Variants in NALF1 observed in about 807,000 individuals in gnomAD.
NALF1 encodes family with sequence similarity 155 member A.
NALF1 carries 3 observed loss-of-function variants against 48.4 expected under a neutral mutation model. That is an observed-to-expected ratio of 0.06 (90% CI 0.03 to 0.16). The LOEUF (loss-of-function observed/expected upper bound fraction) is 0.16, where lower values mean the gene tolerates loss of function less well. Among genes scored for constraint, NALF1 ranks in the 10% least tolerant of loss-of-function variants. NALF1 has a pLI of 1.00. For missense variants in NALF1, 526 were observed against 571.5 expected (o/e 0.92, Z 0.81); for synonymous variants, 262 against 245.7 (o/e 1.07, Z -0.62).
chr13:107,449,111 G>T (rs142634352), intron 1 of NALF1, among the ~76,000 whole-genome samples: 2,089 of 152,346 alleles, frequency 0.014, 27 homozygotes, highest in Admixed American at 0.021. Context: ...GGGCGTGATG[G>T]TGGGCACCTA....
intron 1 of NALF1, among the ~76,000 whole-genome samples, chr13:107,387,972 A>G (rs1179829559): frequency 6.6e-6 from 1 of 152,088 alleles, no homozygotes; most frequent in African/African-American, 2.4e-5. Flanking sequence ...TTGCCTGTCT[A>G]TTGTACACCC....
chr13:107,325,885 T>TAC (rs1468507070), intron 1 of NALF1, among the ~76,000 whole-genome samples: 199 of 69,744 alleles, frequency 2.9e-3, no homozygotes, highest in Non-Finnish European at 5.2e-3. Context: ...TATATATATA[T>TAC]ATACACACAC....
chr13:107,652,681 C>G (rs567883052), intron 1 of NALF1, among the ~76,000 whole-genome samples: 1 of 152,212 alleles, frequency 6.6e-6, no homozygotes, highest in South Asian at 2.1e-4. Context: ...TCAGAACTCC[C>G]AAATTTCATC....
At chr13:107,181,022 T>C (rs1879049242) in intron 2 of NALF1, among the ~76,000 whole-genome samples, 1 of 151,690 alleles carries the variant, frequency 6.6e-6, no homozygotes, top group Non-Finnish European at 1.5e-5. Flanking sequence ...GTGTATAATA[T>C]TGTCTCATTT....
At chr13:107,312,123 G>A (rs566304206) in intron 1 of NALF1, among the ~76,000 whole-genome samples, 2 of 150,440 alleles carry the variant, frequency 1.3e-5, no homozygotes, top group African/African-American at 4.9e-5. Context: ...ACATGCACAC[G>A]TATGTTTATT....
At chr13:107,353,309 A>G (rs1413963845) in intron 1 of NALF1, among the ~76,000 whole-genome samples, 1 of 152,104 alleles carries the variant, frequency 6.6e-6, no homozygotes, top group Non-Finnish European at 1.5e-5. Context: ...ACCTTCAGAG[A>G]GCAAAGGGGA....
intron 1 of NALF1, among the ~76,000 whole-genome samples, chr13:107,469,733 C>CTTTTTTTTTTTTTTTTTTTT (rs61241553): frequency 2.5e-5 from 2 of 79,956 alleles, no homozygotes; most frequent in African/African-American, 1.1e-4. Flanking sequence ...AACTGTGTAT[C>CTTTTTTTTTTTTTTTTTTTT]TTTTTTTTTT....
chr13:107,246,444 G>C (rs1407424403), intron 1 of NALF1, among the ~76,000 whole-genome samples: 2 of 152,176 alleles, frequency 1.3e-5, no homozygotes, highest in Non-Finnish European at 2.9e-5. Flanking sequence ...GTTAAGGAAC[G>C]TAGAGTAATT....
At chr13:107,578,952 C>T (rs1312038930) in intron 1 of NALF1, among the ~76,000 whole-genome samples, 1 of 152,182 alleles carries the variant, frequency 6.6e-6, no homozygotes, top group Non-Finnish European at 1.5e-5. Flanking sequence ...AAGCCATCAG[C>T]AAGTCCATTT....
At chr13:107,818,950 G>A (rs1879272388) in intron 1 of NALF1, among the ~76,000 whole-genome samples, 1 of 149,960 alleles carries the variant, frequency 6.7e-6, no homozygotes, top group Middle Eastern at 3.6e-3. Flanking sequence ...ATCCAACTAT[G>A]TTCTTGCAGT....
At chr13:107,430,158 A>C (rs903270296) in intron 1 of NALF1, among the ~76,000 whole-genome samples, 13 of 152,202 alleles carry the variant, frequency 8.5e-5, no homozygotes, top group African/African-American at 1.4e-4. Flanking sequence ...AAACATCCGA[A>C]TACATTTATT....
intron 1 of NALF1, among the ~76,000 whole-genome samples, chr13:107,481,098 C>G (rs1259509926): frequency 6.6e-6 from 1 of 152,086 alleles, no homozygotes; most frequent in African/African-American, 2.4e-5. Context: ...GCAGCCCTGG[C>G]TTTTTGAGGA....
chr13:107,356,724 T>G (rs762487382), intron 1 of NALF1, among the ~76,000 whole-genome samples: 1 of 152,214 alleles, frequency 6.6e-6, no homozygotes, highest in African/African-American at 2.4e-5. Context: ...TTTTGAAGTT[T>G]ATGATTCAAC....
At chr13:107,343,936 C>T (rs1461619142) in intron 1 of NALF1, among the ~76,000 whole-genome samples, 2 of 150,986 alleles carry the variant, frequency 1.3e-5, no homozygotes, top group African/African-American at 4.9e-5. Context: ...AAAAGATTAA[C>T]AAAATTGACA....
At chr13:107,680,282 C>A (rs1327717926) in intron 1 of NALF1, among the ~76,000 whole-genome samples, 3 of 152,220 alleles carry the variant, frequency 2.0e-5, no homozygotes, top group African/African-American at 4.8e-5. Flanking sequence ...TGTGATGACA[C>A]CAGGCTAACA....
At chr13:107,275,455 G>C (rs1281926579) in intron 1 of NALF1, among the ~76,000 whole-genome samples, 1 of 152,086 alleles carries the variant, frequency 6.6e-6, no homozygotes, top group African/African-American at 2.4e-5. Flanking sequence ...TCAACCTTGA[G>C]AGCCTGTATG....
intron 1 of NALF1, among the ~76,000 whole-genome samples, chr13:107,605,661 C>T (rs1017398754): frequency 1.3e-5 from 2 of 152,080 alleles, no homozygotes; most frequent in Non-Finnish European, 2.9e-5. Context: ...GTACATATGA[C>T]ACTAAAATGT....
intron 1 of NALF1, among the ~76,000 whole-genome samples, chr13:107,691,633 G>A (rs1273445510): frequency 6.6e-6 from 1 of 152,138 alleles, no homozygotes; most frequent in Non-Finnish European, 1.5e-5. Flanking sequence ...CATTTATACT[G>A]TGCAATTTAT....
At chr13:107,531,468 C>G (rs530534674) in intron 1 of NALF1, among the ~76,000 whole-genome samples, 1 of 152,142 alleles carries the variant, frequency 6.6e-6, no homozygotes, top group East Asian at 1.9e-4. Context: ...AACCATGGGT[C>G]CTATAAAGCC....
Sources: gnomAD v4.1 joint callset for allele counts (sites outside exome capture counted in the v4.1 genomes callset) on GRCh38, gnomAD v4.1.1 for gene constraint, MANE v1.5 for transcripts, NCBI Gene and HGNC (gene_info 2026-07-23, HGNC 2026-07-21) for gene names.